Variants in SNX25 observed in about 807,000 individuals in gnomAD.
The protein encoded by SNX25 is sorting nexin-25.
SNX25 carries 62 observed loss-of-function variants against 113.7 expected under a neutral mutation model. That is an observed-to-expected ratio of 0.55 (90% CI 0.44 to 0.67). SNX25 has a LOEUF of 0.67. Among genes scored for constraint, SNX25 ranks in the 30% least tolerant of loss-of-function variants. The pLI is 0.00. For synonymous variants in SNX25, 421 were observed against 436.2 expected (o/e 0.97, Z 0.43); for missense variants, 1,014 against 1,161.0 (o/e 0.87, Z 1.84).
chr4:185,327,897 T>G (rs757203244), intron 9 of SNX25, among the ~76,000 whole-genome samples: 28 of 152,264 alleles, frequency 1.8e-4, no homozygotes, highest in Non-Finnish European at 3.7e-4. Flanking sequence ...CTTTATAGTA[T>G]TCGGCAGAGA....
intron 8 of SNX25, 35 bp downstream of exon 8, chr4:185,320,899 T>C: frequency 6.6e-7 from 1 of 1,525,634 alleles, no homozygotes; most frequent in Non-Finnish European, 8.8e-7. Context: ...TATTAATCAC[T>C]AGCTGATGTA....
chr4:185,212,587 C>T (rs1414221772), intron 1 of SNX25, among the ~76,000 whole-genome samples: 1 of 150,826 alleles, frequency 6.6e-6, no homozygotes, highest in Non-Finnish European at 1.5e-5. Context: ...TCAAGTGATC[C>T]TCCTGCCTCA....
At chr4:185,241,954 A>G (rs974389864) in intron 1 of SNX25, among the ~76,000 whole-genome samples, 1 of 152,154 alleles carries the variant, frequency 6.6e-6, no homozygotes, top group Admixed American at 6.5e-5. Flanking sequence ...TTATCCTCAG[A>G]GCCACAGGAA....
chr4:185,258,712 A>T (rs1746804265), intron 2 of SNX25, 136 bp from the exon 3 acceptor site: 1 of 670,092 alleles, frequency 1.5e-6, no homozygotes, highest in Non-Finnish European at 2.5e-6. Flanking sequence ...AGGAATTCTC[A>T]TGAGTTCTGT....
In SNX25 at chr4:185,267,068, A is replaced by G. The variant is rs1359748078; in HGVS notation, c.1004A>G (p.Lys335Arg). ...AGAGAGCAAATGAATGAGCATCACA[A>G]GAGAGCCTACACCTATGCCCCCTCT... ...AYREQMNEHH[K>R]RAYTYAPSYE... Residue 335 changes from lysine (K) to arginine (R), a missense_variant, in exon 5 of 19, where the codon AAG (lysine) becomes AGG (arginine). By Grantham distance (26) the Lys-to-Arg change is conservative (BLOSUM62 2). Coordinates refer to ENST00000652585, the MANE Select transcript of SNX25 (RefSeq NM_001378034.2). 5 of 1,613,960 alleles carry G rather than the reference A, an allele frequency of 3.1e-6. No homozygotes were observed. The highest frequency in any genetic ancestry group is 4.2e-6 in the Non-Finnish European group (5 of 1,179,960).
chr4:185,343,789 G>A (rs1211804658), intron 12 of SNX25, among the ~76,000 whole-genome samples: 1 of 152,120 alleles, frequency 6.6e-6, no homozygotes, highest in Non-Finnish European at 1.5e-5. Flanking sequence ...AACTATAACT[G>A]TCAAAGGGTC....
intron 5 of SNX25, among the ~76,000 whole-genome samples, chr4:185,275,461 A>G (rs1043167916): frequency 6.6e-6 from 1 of 152,214 alleles, no homozygotes; most frequent in Non-Finnish European, 1.5e-5. Flanking sequence ...AAAGATTGCA[A>G]TTAACAATAA....
chr4:185,212,702 T>C (rs776582757), intron 1 of SNX25, among the ~76,000 whole-genome samples: 2 of 152,108 alleles, frequency 1.3e-5, no homozygotes, highest in African/African-American at 4.8e-5. Flanking sequence ...AGCAGAAGCA[T>C]GTGGTGTAGT....
chr4:185,209,767 G>T lies in SNX25; in HGVS notation c.-60G>T. On this transcript the variant is annotated 5_prime_UTR_variant, in exon 1 of 19. Transcript: ENST00000652585. This position sits in a 1 kb window ranked among gnomAD's most constrained non-coding sequence, Gnocchi z 5.2. ...AGCGCGGGCTCCCCCTGCCTCCGGA[G>T]CGCCGGCGGGGGACCGGGGGGCAGG... 4 of 984,104 alleles carry T rather than the reference G, an allele frequency of 4.1e-6. No individual in the cohort carries two copies. The highest frequency in any genetic ancestry group is 4.8e-6 in the Non-Finnish European group (4 of 829,460). 61.0% of individuals were successfully genotyped at this position (984,104 alleles called of 1,614,324 possible). A position where few individuals can be genotyped will look rare whatever the true frequency, so the allele number is the denominator to read the frequency against.
chr4:185,267,302 C>A, intron 5 of SNX25, 147 bp downstream of exon 5: 1 of 749,828 alleles, frequency 1.3e-6, no homozygotes, highest in Non-Finnish European at 2.1e-6. Context: ...CTAAATTTAT[C>A]CAGCGTCTCC....
At chr4:185,260,646 C>T (rs932079852) in intron 3 of SNX25, among the ~76,000 whole-genome samples, 2 of 152,178 alleles carry the variant, frequency 1.3e-5, no homozygotes, top group African/African-American at 2.4e-5. Context: ...TCCTTAGCCA[C>T]GGGAGTGATG....
intron 1 of SNX25, among the ~76,000 whole-genome samples, chr4:185,240,338 G>A (rs1743566860): frequency 1.3e-5 from 2 of 151,374 alleles, no homozygotes; most frequent in African/African-American, 4.8e-5. Flanking sequence ...TCCCAGTAGG[G>A]GCGGCCGGGC....
intron 5 of SNX25, among the ~76,000 whole-genome samples, chr4:185,270,649 A>G (rs1223886763): frequency 2.0e-5 from 3 of 152,170 alleles, no homozygotes; most frequent in Non-Finnish European, 4.4e-5. Flanking sequence ...TCACCCCAAA[A>G]AGAAACCCTG....
chr4:185,350,354 T>A (rs999129331), intron 13 of SNX25, among the ~76,000 whole-genome samples: 1 of 152,220 alleles, frequency 6.6e-6, no homozygotes, highest in Admixed American at 6.5e-5. Context: ...CATCTCCCTA[T>A]GTGGCTGACA....
chr4:185,282,810 C>A (rs942819252), intron 5 of SNX25, among the ~76,000 whole-genome samples: 39 of 152,252 alleles, frequency 2.6e-4, no homozygotes, highest in Admixed American at 5.9e-4. Context: ...CAAGGGAAAG[C>A]GTACAAACAT....
chr4:185,352,540 C>T (rs1405697432), intron 14 of SNX25, among the ~76,000 whole-genome samples: 1 of 152,176 alleles, frequency 6.6e-6, no homozygotes, highest in Non-Finnish European at 1.5e-5. Context: ...CCTGTCTCAC[C>T]TCCCTTTTAT....
At chr4:185,326,211 T>G (rs2126695493) in intron 9 of SNX25, among the ~76,000 whole-genome samples, 1 of 152,310 alleles carries the variant, frequency 6.6e-6, no homozygotes, top group Non-Finnish European at 1.5e-5. Flanking sequence ...ATTAGCAATA[T>G]TTTAAGCAAA....
Position 185,298,093 on chromosome 4 carries a change from C to CTTTT in SNX25, c.1162+10021_1162+10024dup, listed in dbSNP as rs6148841. ...GCCCTCTTAACTATTATAGTAACTT[C>CTTTT]TTTTTTTTTTTTTGAGATGGAGTCT... On this transcript the variant is annotated intron_variant, in intron 6 of 18. Coordinates refer to ENST00000652585, the MANE Select transcript of SNX25 (RefSeq NM_001378034.2). 3.6e-5 allele frequency among the ~76,000 whole-genome samples: 5 copies of CTTTT among 137,160 alleles called. 2 individuals carry two copies. The highest frequency in any genetic ancestry group is 2.7e-5 in the African/African-American group (1 of 36,548). The allele number at this position is 137,160 out of a possible 152,430, so 90.0% of individuals were successfully genotyped here.
intron 5 of SNX25, among the ~76,000 whole-genome samples, chr4:185,281,593 C>T (rs939944375): frequency 5.5e-4 from 84 of 152,138 alleles, no homozygotes; most frequent in African/African-American, 2.0e-3. Flanking sequence ...TTTAGTAGTG[C>T]CATGGATGGG....
Sources: gnomAD v4.1 joint callset for allele counts (sites outside exome capture counted in the v4.1 genomes callset) on GRCh38, gnomAD v4.1.1 for gene constraint, Gnocchi (gnomAD v3.1) non-coding constraint, MANE v1.5 for transcripts, NCBI Gene and HGNC (gene_info 2026-07-23, HGNC 2026-07-21) for gene names.